Variants in VIL1 observed in about 807,000 individuals in gnomAD.
VIL1 encodes the protein villin-1.
VIL1 carries 86 observed loss-of-function variants against 104.0 expected under a neutral mutation model. That is an observed-to-expected ratio of 0.83 (90% CI 0.69 to 0.99). The LOEUF (loss-of-function observed/expected upper bound fraction) is 0.99. Among genes scored for constraint, VIL1 ranks in the 50% least tolerant of loss-of-function variants. The pLI, the probability that VIL1 is intolerant of heterozygous loss-of-function variation, is 0.00. For synonymous variants in VIL1, 394 were observed against 412.6 expected, an observed-to-expected ratio of 0.95 and a Z score of 0.55; for missense variants, 944 against 1,054.1, an observed-to-expected ratio of 0.90 and a Z score of 1.45.
intron 13 of VIL1, among the ~76,000 whole-genome samples, chr2:218,433,413 C>T (rs537767228): frequency 1.2e-4 from 18 of 147,684 alleles, no homozygotes; most frequent in African/African-American, 4.3e-4. Context: ...CCAGCCTGGG[C>T]AACAGAGGGA....
chr2:218,434,638 AT>A lies in VIL1; in HGVS notation c.1616del (p.Phe539SerfsTer114). 1 of 1,614,100 alleles carries A rather than the reference AT, an allele frequency of 6.2e-7. No individual in the cohort carries two copies. Among genetic ancestry groups the A allele is most frequent in the Non-Finnish European group, 8.5e-7 (1 of 1,180,010 alleles). On this transcript the variant is annotated frameshift_variant, in exon 14 of 20. Transcript: ENST00000248444. LOFTEE classifies it high-confidence loss of function. ...GCCTTTGAGGTCCCAGCGCGGGCCA[AT>A]TTCCTCAATTCCAATGATGTCTTTG... ...TKAFEVPARANFLNSNDVFVL... is the reference protein window; with the variant it reads ...TKAFEVPARAXFLNSNDVFVL...
chr2:218,424,406 C>G (rs1256943735), intron 3 of VIL1, 55 bp downstream of exon 3: 1 of 1,578,452 alleles, frequency 6.3e-7, no homozygotes, highest in Non-Finnish European at 8.7e-7. Context: ...ACTGTGGTGT[C>G]AGGGAGGAAA....
At chr2:218,440,536 C>A (rs746665886) in intron 18 of VIL1, among the ~76,000 whole-genome samples, 186 bp from the exon 19 acceptor site, 2 of 152,106 alleles carry the variant, frequency 1.3e-5, no homozygotes, top group Non-Finnish European at 2.9e-5. Context: ...TCCCAAAGTG[C>A]TGGGATTACA....
chr2:218,449,235 A>G lies in VIL1; in HGVS notation c.2383A>G (p.Ile795Val). The G allele has an allele frequency of 6.2e-7, 1 of 1,613,698 alleles. No individual in the cohort carries two copies. The highest frequency in any genetic ancestry group is 8.5e-7 in the Non-Finnish European group (1 of 1,179,636). ...DPSRKEEHLS[I>V]EDFTQAFGMT... ...TCTCTTCTTCTAGGAACACCTGTCC[A>G]TTGAAGATTTCACTCAGGCCTTTGG... The change falls in exon 20 of 20, where the codon ATT becomes GTT. Residue 795 changes from isoleucine to valine, a missense_variant. Ile to Val is a conservative substitution (Grantham distance 29). Transcript: ENST00000248444.
Position 218,428,337 on chromosome 2 carries a change from G to T in VIL1, c.567G>T (p.Arg189Ser), listed in dbSNP as rs781392931. ...AAAGCACCCGTATGGAGAGACTCAG[G>T]GTAAACCTGCCCATGCACCACACCT... ...GPESTRMERL[R>S]GMTLAKEIRD... The change falls in exon 6 of 20, where the codon AGG becomes AGT. Residue 189 changes from arginine (R) to serine (S), a missense_variant and splice_region_variant. Coordinates refer to ENST00000248444, the MANE Select transcript of VIL1 (RefSeq NM_007127.3). 5 of 1,613,542 alleles carry T rather than the reference G, an allele frequency of 3.1e-6. No individual in the cohort carries two copies. Among genetic ancestry groups the T allele is most frequent in the Non-Finnish European group, 4.2e-6 (5 of 1,179,602 alleles).
Position 218,449,423 on chromosome 2 carries a change from G to A in VIL1, c.*87G>A. 1 of 1,167,150 alleles carries A rather than the reference G, an allele frequency of 8.6e-7. No homozygotes were observed. The highest frequency in any genetic ancestry group is 1.3e-6 in the Non-Finnish European group (1 of 786,472). The allele number at this position is 1,167,150 out of a possible 1,614,324, so 72.3% of individuals were successfully genotyped here. A position where few individuals can be genotyped will look rare whatever the true frequency, so the allele number is the denominator to read the frequency against. ...CGATATTAGTCCTACACCAATTGAA[G>A]TGAAATTTTGCAGATGTGCCTATGA... On this transcript the variant is annotated 3_prime_UTR_variant, in exon 20 of 20. Coordinates refer to ENST00000248444, the MANE Select transcript of VIL1 (RefSeq NM_007127.3).
At chr2:218,437,402 A>G in intron 17 of VIL1, 90 bp downstream of exon 17, 1 of 1,471,522 alleles carries the variant, frequency 6.8e-7, no homozygotes, top group African/African-American at 1.4e-5. Context: ...TTTGGGATAT[A>G]TGACCTGCTG....
intron 16 of VIL1, among the ~76,000 whole-genome samples, chr2:218,436,884 C>A (rs1689200920): frequency 6.6e-6 from 1 of 152,148 alleles, no homozygotes; most frequent in Admixed American, 6.5e-5. Context: ...TTTGAGAATC[C>A]TGGGCTTTGG....
chr2:218,423,352 G>A (rs1434826469), intron 1 of VIL1, among the ~76,000 whole-genome samples: 1 of 152,090 alleles, frequency 6.6e-6, no homozygotes, highest in East Asian at 1.9e-4. Flanking sequence ...CCAAGATCAC[G>A]ACACTGCACT....
At position 218,432,219 on chromosome 2, in the gene VIL1, G is replaced by A. The variant is rs564704447; in HGVS notation, c.1341+36G>A. On this transcript the variant is annotated intron_variant, in intron 12 of 19. Coordinates refer to ENST00000248444, the MANE Select transcript of VIL1 (RefSeq NM_007127.3). ...GCCACGTCCCACCCAGAGCACAGCCGGCTTAGCTCTGCCTTGTACATACTC... is the reference window on the plus strand; with the variant it reads ...GCCACGTCCCACCCAGAGCACAGCCAGCTTAGCTCTGCCTTGTACATACTC... 7.1e-4 allele frequency: 1,132 copies of A among 1,600,454 alleles called. 15 individuals carry two copies. In the South Asian group the frequency reaches 0.011, roughly 16 times the overall value.
At position 218,428,029 on chromosome 2, in the gene VIL1, A is replaced by T; in HGVS notation, c.412A>T (p.Arg138Trp). ...HVETNSYDVQRLLHVKGKRNV... is the reference protein window; with the variant it reads ...HVETNSYDVQWLLHVKGKRNV... Reference sequence around the variant, plus strand: ...GGAGACCAACTCCTATGACGTCCAGAGGCTGCTGCATGTCAAGGGCAAGAG... The same window carrying T: ...GGAGACCAACTCCTATGACGTCCAGTGGCTGCTGCATGTCAAGGGCAAGAG... Residue 138 changes from arginine (R) to tryptophan (W), a missense_variant, in exon 5 of 20, where the codon AGG becomes TGG. Physicochemically the swap from Arg to Trp is moderately radical, Grantham distance 101. Transcript: ENST00000248444. 1 of 1,614,118 alleles carries T rather than the reference A, an allele frequency of 6.2e-7. No homozygotes were observed. Among genetic ancestry groups the T allele is most frequent in the South Asian group, 1.1e-5 (1 of 91,082 alleles).
At chr2:218,433,333 G>A (rs1264458811) in intron 13 of VIL1, among the ~76,000 whole-genome samples, 1 of 152,152 alleles carries the variant, frequency 6.6e-6, no homozygotes, top group Non-Finnish European at 1.5e-5. Flanking sequence ...TACTCAGGAG[G>A]CTGAGGCAGA....
Position 218,440,739 on chromosome 2 carries a change from A to G in VIL1, c.2247A>G (p.Lys749=). The change falls in exon 19 of 20, where the codon AAA becomes AAG. Residue 749 remains lysine, a synonymous_variant. Coordinates refer to ENST00000248444, the MANE Select transcript of VIL1 (RefSeq NM_007127.3). ...TTTCCTAGGAGGTCACAAGCCCCAAAGTGGACGTGTTCAATGCTAACAGCA... is the reference window on the plus strand; with the variant it reads ...TTTCCTAGGAGGTCACAAGCCCCAAGGTGGACGTGTTCAATGCTAACAGCA... ...SQITAEVTSP[K]VDVFNANSNL... is the part of the protein sequence containing the mutation. 6.2e-7 allele frequency: 1 copy of G among 1,614,058 alleles called. No individual in the cohort carries two copies. The highest frequency in any genetic ancestry group is 8.5e-7 in the Non-Finnish European group (1 of 1,179,972).
chr2:218,431,007 C>G, intron 10 of VIL1, 129 bp downstream of exon 10: 1 of 1,260,650 alleles, frequency 7.9e-7, no homozygotes, highest in East Asian at 2.6e-5. Flanking sequence ...TGGCTCTGGG[C>G]TTGTCCTAGC....
chr2:218,432,252 G>C (rs971188127), intron 12 of VIL1, 69 bp downstream of exon 12: 1 of 1,566,914 alleles, frequency 6.4e-7, no homozygotes, highest in African/African-American at 1.3e-5. Context: ...CTCCTGCTAA[G>C]TGGCCATCAC....
At chr2:218,427,030 A>G (rs1238266888) in intron 4 of VIL1, among the ~76,000 whole-genome samples, 1 of 152,172 alleles carries the variant, frequency 6.6e-6, no homozygotes, top group Non-Finnish European at 1.5e-5. Flanking sequence ...GATTACAGGC[A>G]TGAGCTACCA....
intron 19 of VIL1, among the ~76,000 whole-genome samples, chr2:218,441,812 A>T (rs764330648): frequency 6.6e-6 from 1 of 152,086 alleles, no homozygotes; most frequent in Non-Finnish European, 1.5e-5. Context: ...ACATGGTGAA[A>T]CCCCATCTCT....
At chr2:218,424,749 C>T (rs1378522733) in intron 3 of VIL1, among the ~76,000 whole-genome samples, 5 of 151,724 alleles carry the variant, frequency 3.3e-5, no homozygotes, top group East Asian at 2.0e-4. Flanking sequence ...CTCCACTTCC[C>T]GGGTTCAAGC....
Position 218,424,277 on chromosome 2 carries a change from G to GC in VIL1, c.78dup (p.Met27HisfsTer18), listed in dbSNP as rs776060589. 1 of 1,613,916 alleles carries GC rather than the reference G, an allele frequency of 6.2e-7. No individual in the cohort carries two copies. Among genetic ancestry groups the GC allele is most frequent in the South Asian group, 1.1e-5 (1 of 91,080 alleles). On this transcript the variant is annotated frameshift_variant and splice_region_variant, in exon 3 of 20. Coordinates refer to ENST00000248444, the MANE Select transcript of VIL1 (RefSeq NM_007127.3). LOFTEE classifies it high-confidence loss of function. ...CCTCTGACCCTCTTTCTCTCCTTAG[G>GC]CCATGCAGATGGTGCCTGTTCCTTC... is the stretch of plus-strand genomic sequence containing the variant.
Sources: gnomAD v4.1 joint callset for allele counts (sites outside exome capture counted in the v4.1 genomes callset) on GRCh38, gnomAD v4.1.1 for gene constraint, MANE v1.5 for transcripts, NCBI Gene and HGNC (gene_info 2026-07-23, HGNC 2026-07-21) for gene names.